The following LRP1B variants were observed in gnomAD, a reference collection of about 807,000 sequenced individuals.
LRP1B encodes LDL receptor related protein 1B.
LRP1B carries 217 observed loss-of-function variants against 556.6 expected under a neutral mutation model. That is an observed-to-expected ratio of 0.39 (90% confidence interval 0.35 to 0.44). The LOEUF (loss-of-function observed/expected upper bound fraction) is 0.44, where lower values mean the gene tolerates loss of function less well. LRP1B is among the 20% of genes least tolerant of loss of function. LRP1B has a pLI of 1.00. For synonymous variants in LRP1B, 2,047 were observed against 1,865.8 expected (o/e 1.10, Z -2.50); for missense variants, 5,053 against 5,620.8 (o/e 0.90, Z 3.23).
intron 43 of LRP1B, among the ~76,000 whole-genome samples, chr2:140,547,138 G>A (rs191636374): frequency 9.2e-5 from 14 of 152,210 alleles, no homozygotes; most frequent in Non-Finnish European, 1.3e-4. Flanking sequence ...TCTCTACCAG[G>A]TTTTGGTATC....
intron 3 of LRP1B, among the ~76,000 whole-genome samples, chr2:141,367,793 G>T (rs1207549341): frequency 6.6e-6 from 1 of 151,836 alleles, no homozygotes; most frequent in African/African-American, 2.4e-5. Flanking sequence ...AGCCTGGAAT[G>T]AATTATTTAA....
intron 18 of LRP1B, among the ~76,000 whole-genome samples, chr2:140,963,874 C>T (rs1249502663): frequency 2.0e-5 from 3 of 152,068 alleles, no homozygotes; most frequent in African/African-American, 7.2e-5. Context: ...CCCACAGGGT[C>T]GGTGGGTCTC....
In LRP1B at chr2:140,886,302, C is replaced by T. The variant is rs543029489; in HGVS notation, c.3800G>A (p.Arg1267His). The T allele has an allele frequency of 8.1e-6, 13 of 1,600,578 alleles. No individual in the cohort carries two copies. Among genetic ancestry groups the T allele is most frequent in the South Asian group, 1.1e-5 (1 of 88,572 alleles). ...AAGATCAATCCTTCTGATCTCATGA[C>T]GAATAGAAAAGATGATGAATGCTTC... ...PFEAFIIFSI[R>H]HEIRRIDLHK... is the part of the protein sequence containing the mutation. The change falls in exon 24 of 91, where the codon CGT (arginine) becomes CAT (histidine). Residue 1267 changes from arginine (R) to histidine (H), a missense_variant. Around this residue, in one of 5 missense-constraint regions of LRP1B, gnomAD observed 3,619 missense variants for 3,931.9 expected, o/e 0.92. Coordinates refer to ENST00000389484, the MANE Select transcript of LRP1B (RefSeq NM_018557.3).
intron 1 of LRP1B, among the ~76,000 whole-genome samples, chr2:142,017,651 G>A (rs1455279052): frequency 6.6e-6 from 1 of 152,116 alleles, no homozygotes; most frequent in Non-Finnish European, 1.5e-5. Flanking sequence ...AAGGGAGAAG[G>A]ATCACTTGTG....
intron 11 of LRP1B, among the ~76,000 whole-genome samples, chr2:141,038,540 A>G (rs17588066): frequency 0.058 from 8,760 of 152,140 alleles, 292 homozygotes; most frequent in South Asian, 0.092. Context: ...TACTGGTTAC[A>G]CAATGACTAT....
At chr2:140,265,275 A>G (rs997300266) in intron 86 of LRP1B, among the ~76,000 whole-genome samples, 1 of 134,220 alleles carries the variant, frequency 7.5e-6, no homozygotes, top group Non-Finnish European at 1.6e-5. Flanking sequence ...AAAATAACAC[A>G]TTAGATTTTT....
chr2:141,744,755 G>C (rs191884864), intron 2 of LRP1B, among the ~76,000 whole-genome samples: 3 of 152,266 alleles, frequency 2.0e-5, no homozygotes, highest in Admixed American at 6.5e-5. Flanking sequence ...GCTTGTGCAT[G>C]TTCATTGTTG....
intron 41 of LRP1B, among the ~76,000 whole-genome samples, chr2:140,626,675 G>C (rs1340999433): frequency 7.0e-6 from 1 of 141,928 alleles, no homozygotes; most frequent in Non-Finnish European, 1.5e-5. Flanking sequence ...GCAAATTTGA[G>C]TACACAAAAA....
intron 20 of LRP1B, among the ~76,000 whole-genome samples, chr2:140,941,940 A>T (rs1695414572): frequency 6.6e-6 from 1 of 152,162 alleles, no homozygotes; most frequent in African/African-American, 2.4e-5. Flanking sequence ...ATGAACACTA[A>T]CCAAATGACA....
In LRP1B at chr2:141,240,037, A is replaced by G. The variant is rs183040760; in HGVS notation, c.592+7189T>C. ...CTAAATATCCAAAGAGTACTAAGAT[A>G]TAATTTAATAATTTGGTGGGGATTA... On this transcript the variant is annotated intron_variant, in intron 5 of 90. Transcript: ENST00000389484. Among the ~76,000 whole-genome samples, 9 of 152,256 alleles carry G rather than the reference A, an allele frequency of 5.9e-5. No homozygotes were observed. The East Asian group carries it at 1.5e-3, about 26-fold the overall frequency.
chr2:141,605,338 C>CAA (rs145409753), intron 2 of LRP1B, among the ~76,000 whole-genome samples: 1 of 149,362 alleles, frequency 6.7e-6, no homozygotes, highest in South Asian at 2.1e-4. Context: ...TAGCCTTGTA[C>CAA]AAAAAAAAAT....
chr2:140,882,408 A>T (rs1209737211), intron 25 of LRP1B, among the ~76,000 whole-genome samples: 1 of 152,340 alleles, frequency 6.6e-6, no homozygotes, highest in East Asian at 1.9e-4. Context: ...CGTAGACTAC[A>T]TAAACTAGAG....
chr2:141,246,727 G>A (rs1684080697), intron 5 of LRP1B, among the ~76,000 whole-genome samples: 1 of 152,188 alleles, frequency 6.6e-6, no homozygotes, highest in Admixed American at 6.5e-5. Context: ...CACTTTGGGA[G>A]GCCTTGGTGG....
chr2:141,432,451 A>G (rs971614330), intron 3 of LRP1B, among the ~76,000 whole-genome samples: 4 of 152,032 alleles, frequency 2.6e-5, no homozygotes, highest in Admixed American at 1.3e-4. Context: ...TTCTTGCCTA[A>G]TAGAATGAAT....
At chr2:141,227,207 G>A (rs1276874760) in intron 6 of LRP1B, among the ~76,000 whole-genome samples, 1 of 152,146 alleles carries the variant, frequency 6.6e-6, no homozygotes, top group African/African-American at 2.4e-5. Context: ...TTAAAGAAGA[G>A]AAGACACCAT....
intron 15 of LRP1B, among the ~76,000 whole-genome samples, chr2:141,001,903 G>A (rs1697436591): frequency 1.3e-5 from 2 of 152,072 alleles, no homozygotes; most frequent in South Asian, 2.1e-4. Flanking sequence ...AGACTCCTTG[G>A]TAGAAACTGA....
At chr2:141,347,739 G>T (rs1688304728) in intron 3 of LRP1B, among the ~76,000 whole-genome samples, 1 of 151,948 alleles carries the variant, frequency 6.6e-6, no homozygotes, top group African/African-American at 2.4e-5. Flanking sequence ...ATGAAGAGTA[G>T]TTATTCAGCT....
intron 3 of LRP1B, among the ~76,000 whole-genome samples, chr2:141,382,259 C>T (rs1455178934): frequency 2.0e-5 from 3 of 152,156 alleles, no homozygotes; most frequent in Admixed American, 6.6e-5. Context: ...TAGAACTATT[C>T]ACATGAGGTA....
At chr2:140,950,828 T>G (rs901799614) in intron 19 of LRP1B, among the ~76,000 whole-genome samples, 1 of 141,386 alleles carries the variant, frequency 7.1e-6, no homozygotes, top group Non-Finnish European at 1.6e-5. Context: ...ATAAAGTTGT[T>G]TTTTTTTTTT....
Sources: allele counts gnomAD v4.1 joint callset (sites outside exome capture counted in the v4.1 genomes callset), GRCh38; gene constraint gnomAD v4.1.1; regional missense constraint gnomAD v4.1.1; transcripts MANE v1.5; gene names NCBI Gene and HGNC (gene_info 2026-07-23, HGNC 2026-07-21).